Variants in DOCK3 observed in about 807,000 individuals in gnomAD.
DOCK3 encodes dedicator of cytokinesis 3.
A neutral mutation model predicts 265.6 loss-of-function variants in DOCK3; 60 were observed. The ratio of observed to expected loss-of-function variants is 0.23; its 90% CI spans 0.18 to 0.28. DOCK3 has a LOEUF of 0.28. Among genes scored for constraint, DOCK3 ranks in the 10% least tolerant of loss-of-function variants. The pLI is 1.00. For synonymous variants in DOCK3, 881 were observed against 938.0 expected, an observed-to-expected ratio of 0.94 and a Z score of 1.11; for missense variants, 1,981 against 2,594.3, an observed-to-expected ratio of 0.76 and a Z score of 5.14.
chr3:50,959,554 GTGTGTA>G (rs2076826966), intron 5 of DOCK3, among the ~76,000 whole-genome samples: 1 of 143,088 alleles, frequency 7.0e-6, no homozygotes, highest in African/African-American at 2.6e-5. Flanking sequence ...GTGTGTGTGT[GTGTGTA>G]TATATATATA....
intron 4 of DOCK3, chr3:50,901,599 T>G (rs2049199042): frequency 8.8e-6 from 4 of 452,420 alleles, no homozygotes; most frequent in South Asian, 6.3e-5. Flanking sequence ...TCCCTGGTGG[T>G]GTAGGCACCC....
intron 10 of DOCK3, among the ~76,000 whole-genome samples, chr3:51,149,232 A>AT (rs1167880232): frequency 2.6e-5 from 4 of 152,026 alleles, no homozygotes; most frequent in African/African-American, 9.7e-5. Context: ...GCTTAAGGAG[A>AT]TTTTGGGCTG....
chr3:50,742,222 T>C (rs912122030), intron 1 of DOCK3, among the ~76,000 whole-genome samples: 2 of 151,860 alleles, frequency 1.3e-5, no homozygotes, highest in African/African-American at 4.8e-5. Context: ...AGACCAAAAG[T>C]AGATAAAACC....
At chr3:50,913,816 G>T (rs2049983373) in intron 4 of DOCK3, among the ~76,000 whole-genome samples, 1 of 152,040 alleles carries the variant, frequency 6.6e-6, no homozygotes, top group African/African-American at 2.4e-5. Flanking sequence ...CTGGGGGATT[G>T]GGAAGGAGTG....
intron 27 of DOCK3, among the ~76,000 whole-genome samples, chr3:51,284,553 AGG>A (rs2081306889): frequency 6.6e-6 from 1 of 152,210 alleles, no homozygotes; most frequent in South Asian, 2.1e-4. Flanking sequence ...AGTGCAGAAA[AGG>A]GGCAGGAACA....
At chr3:51,153,140 C>T (rs997211160) in intron 10 of DOCK3, among the ~76,000 whole-genome samples, 1 of 152,246 alleles carries the variant, frequency 6.6e-6, no homozygotes, top group Non-Finnish European at 1.5e-5. Context: ...CCTTGCAGAG[C>T]TGTGGTGGGC....
At chr3:50,813,063 G>A (rs564222019) in intron 2 of DOCK3, among the ~76,000 whole-genome samples, 1 of 152,258 alleles carries the variant, frequency 6.6e-6, no homozygotes, top group East Asian at 1.9e-4. Context: ...CCATTGATCT[G>A]GAGAAACTTC....
chr3:50,829,818 C>T (rs879791079), intron 2 of DOCK3, among the ~76,000 whole-genome samples: 12 of 152,078 alleles, frequency 7.9e-5, no homozygotes, highest in South Asian at 2.1e-4. Flanking sequence ...TATTGAAATT[C>T]GCTTATGGCC....
intron 12 of DOCK3, among the ~76,000 whole-genome samples, chr3:51,190,797 A>T (rs982418203): frequency 1.3e-5 from 2 of 152,134 alleles, no homozygotes; most frequent in Admixed American, 6.5e-5. Flanking sequence ...GGAGGGACAA[A>T]GCCAGGTGGG....
chr3:51,052,506 G>A (rs560134693), intron 5 of DOCK3, among the ~76,000 whole-genome samples: 1 of 152,234 alleles, frequency 6.6e-6, no homozygotes, highest in East Asian at 1.9e-4. Context: ...TCTAAAAAAT[G>A]AATGAATGAA....
intron 5 of DOCK3, among the ~76,000 whole-genome samples, chr3:51,043,352 A>G (rs1352552869): frequency 6.6e-6 from 1 of 152,214 alleles, no homozygotes; most frequent in Non-Finnish European, 1.5e-5. Context: ...TCCCTATTCA[A>G]TAAATGGTGC....
chr3:51,051,680 T>G (rs745565898), intron 5 of DOCK3, among the ~76,000 whole-genome samples: 5 of 152,192 alleles, frequency 3.3e-5, no homozygotes, highest in Admixed American at 2.6e-4. Context: ...ATTCTTGTGT[T>G]GCTGTAAAGG....
chr3:51,119,388 G>GC lies in DOCK3; in HGVS notation c.747-27158dup, dbSNP rs1022757145. ...GATAACCTGACCTTTCTCTCTGGCT[G>GC]CCCTTAACATTTTTTCCTTCATTTC... is the stretch of plus-strand genomic sequence containing the variant. On this transcript the variant is annotated intron_variant, in intron 9 of 52. Coordinates refer to ENST00000266037, the MANE Select transcript of DOCK3 (RefSeq NM_004947.5). Among the ~76,000 whole-genome samples the GC allele has an allele frequency of 1.2e-4, 18 of 152,126 alleles. 1 individual carries two copies. Among genetic ancestry groups the GC allele is most frequent in the Admixed American group, 9.2e-4 (14 of 15,274 alleles).
At chr3:51,279,019 C>A (rs1359939319) in intron 26 of DOCK3, among the ~76,000 whole-genome samples, 1 of 152,060 alleles carries the variant, frequency 6.6e-6, no homozygotes, top group African/African-American at 2.4e-5. Flanking sequence ...GAGGCCGAGG[C>A]AGATGGATCA....
At chr3:50,757,161 G>A (rs2040206438) in intron 1 of DOCK3, among the ~76,000 whole-genome samples, 1 of 88,124 alleles carries the variant, frequency 1.1e-5, no homozygotes, top group South Asian at 4.2e-4. Context: ...TCAGATTGTC[G>A]TCTTTTTTTT....
intron 3 of DOCK3, among the ~76,000 whole-genome samples, chr3:50,887,293 C>A (rs949513996): frequency 2.0e-5 from 3 of 150,772 alleles, no homozygotes; most frequent in African/African-American, 7.3e-5. Context: ...GACACATACA[C>A]CCTCCCAAGA....
At chr3:51,115,683 A>G (rs920407063) in intron 9 of DOCK3, among the ~76,000 whole-genome samples, 1 of 152,056 alleles carries the variant, frequency 6.6e-6, no homozygotes, top group Admixed American at 6.5e-5. Flanking sequence ...TTTTGTTGCC[A>G]TTGCTTTTGG....
At chr3:51,299,208 G>A (rs2883811) in intron 27 of DOCK3, among the ~76,000 whole-genome samples, 138,640 of 152,196 alleles carry the variant, frequency 0.91, 63,280 homozygotes, top group African/African-American at 0.95. Flanking sequence ...TATGGGCCGC[G>A]TAAGTGTCTT....
At chr3:50,928,789 G>A (rs562179040) in intron 4 of DOCK3, among the ~76,000 whole-genome samples, 2 of 152,248 alleles carry the variant, frequency 1.3e-5, no homozygotes, top group South Asian at 4.1e-4. Context: ...GTGTATGATG[G>A]TTTGCCTTAA....
Sources: allele counts gnomAD v4.1 joint callset (sites outside exome capture counted in the v4.1 genomes callset), GRCh38; gene constraint gnomAD v4.1.1; transcripts MANE v1.5; gene names NCBI Gene and HGNC (gene_info 2026-07-23, HGNC 2026-07-21).